The following PDCD7 variants were observed in gnomAD, a reference collection of about 807,000 sequenced individuals.
The protein encoded by PDCD7 is programmed cell death 7, also known as programmed cell death protein 7.
In PDCD7, 40 loss-of-function variants were observed where a neutral mutation model predicts 42.1. The observed-to-expected ratio is 0.95, with a 90% CI of 0.74 to 1.24. The LOEUF is 1.24. Ranked by LOEUF, PDCD7 falls within the 50% of genes most tolerant of loss-of-function variation. PDCD7 has a pLI of 0.00. For synonymous variants in PDCD7, 299 were observed against 303.3 expected (o/e 0.99, Z 0.15); for missense variants, 644 against 662.8 (o/e 0.97, Z 0.31).
intron 2 of PDCD7, among the ~76,000 whole-genome samples, chr15:65,123,880 T>C (rs1401737394): frequency 1.3e-5 from 2 of 152,240 alleles, no homozygotes; most frequent in African/African-American, 4.8e-5. Context: ...CTCTGTTTTA[T>C]AATAATCTAA....
At chr15:65,129,239 G>T in intron 1 of PDCD7, 69 bp from the exon 2 acceptor site, 1 of 1,531,704 alleles carries the variant, frequency 6.5e-7, no homozygotes, top group Non-Finnish European at 8.9e-7. Flanking sequence ...TAGCTGCCCA[G>T]TGGTTAGATT....
At position 65,118,752 on chromosome 15, in the gene PDCD7, T is replaced by C. The variant is rs373191821; in HGVS notation, c.1423A>G (p.Asn475Asp). The change falls in exon 5 of 5, where the codon AAC (asparagine) becomes GAC (aspartate). Residue 475 changes from asparagine (N) to aspartate (D), a missense_variant. Physicochemically the swap from Asn to Asp is conservative, Grantham distance 23. Coordinates refer to ENST00000204549, the MANE Select transcript of PDCD7 (RefSeq NM_005707.2). ...TTAACAGCAGTTGCCCAGATGTCGT[T>C]GCTGGGGAGCGGGGGAAGGACCCAT... is the stretch of plus-strand genomic sequence containing the variant. Reference protein sequence around the residue: ...QGWVLPPLPSNDIWATAVKLH With the variant: ...QGWVLPPLPSDDIWATAVKLH The C allele has an allele frequency of 6.2e-7, 1 of 1,609,698 alleles. No homozygotes were observed. The highest frequency in any genetic ancestry group is 2.2e-5 in the East Asian group (1 of 44,542).
At position 65,133,375 on chromosome 15, in the gene PDCD7, G is replaced by T; in HGVS notation, c.407C>A (p.Ala136Glu). 8.3e-7 allele frequency: 1 copy of T among 1,210,606 alleles called. No individual in the cohort carries two copies. Among genetic ancestry groups the T allele is most frequent in the Non-Finnish European group, 1.0e-6 (1 of 975,016 alleles). 75.0% of individuals were successfully genotyped at this position (1,210,606 alleles called of 1,614,324 possible). The part of the protein sequence containing the change: ...PPPPADVLGD[A>E]ALQRLRDRQW... ...CCGGTCGCGCAGGCGTTGGAGGGCCGCATCCCCGAGCACGTCGGCCGGCGG... is the reference window on the plus strand; with the variant it reads ...CCGGTCGCGCAGGCGTTGGAGGGCCTCATCCCCGAGCACGTCGGCCGGCGG... Residue 136 changes from alanine to glutamate, a missense_variant, in exon 1 of 5, where the codon GCG becomes GAG. Coordinates refer to ENST00000204549, the MANE Select transcript of PDCD7 (RefSeq NM_005707.2).
Position 65,118,548 on chromosome 15 carries a change from AG to A in PDCD7, c.*168del, listed in dbSNP as rs2087424881. The A allele has an allele frequency of 3.0e-5, 17 of 562,630 alleles. No homozygotes were observed. The South Asian group carries it at 7.6e-4, about 25-fold the overall frequency. The allele number at this position is 562,630 out of a possible 1,614,324, so 34.9% of individuals were successfully genotyped here. ...AAAAACCACATTAATCTGATTCAAGAGGCACCTCTGGCCAGCACAGAGCACA... is the reference window on the plus strand; with the variant it reads ...AAAAACCACATTAATCTGATTCAAGAGCACCTCTGGCCAGCACAGAGCACA... On this transcript the variant is annotated 3_prime_UTR_variant, in exon 5 of 5. Coordinates refer to ENST00000204549, the MANE Select transcript of PDCD7 (RefSeq NM_005707.2).
At position 65,120,472 on chromosome 15, in the gene PDCD7, T is replaced by G. The variant is rs2087444635; in HGVS notation, c.1010-518A>C. On this transcript the variant is annotated intron_variant, in intron 2 of 4. Transcript: ENST00000204549. ...TGGCCCTACCTACTAATTTGTAAAT[T>G]TTTTGTATGAGGTCTCACGAGGTCA... Among the ~76,000 whole-genome samples the G allele has an allele frequency of 2.6e-5, 4 of 152,104 alleles. No individual in the cohort carries two copies. The South Asian group carries it at 6.2e-4, about 24-fold the overall frequency.
rs2087423199 is a variant in PDCD7, at chr15:65,118,279, G to A, written c.*438C>T. The A allele has an allele frequency of 1.3e-5, 2 of 153,418 alleles. No homozygotes were observed. Among genetic ancestry groups the A allele is most frequent in the Admixed American group, 1.3e-4 (2 of 15,296 alleles). 9.5% of individuals were successfully genotyped at this position (153,418 alleles called of 1,614,324 possible). Reference sequence around the variant, plus strand: ...AGAAGTCAAAGGGCTCTTCAGGTAGGAAAGGTCAGGAGGTTTTGCATCAAG... The same window carrying A: ...AGAAGTCAAAGGGCTCTTCAGGTAGAAAAGGTCAGGAGGTTTTGCATCAAG... On this transcript the variant is annotated 3_prime_UTR_variant, in exon 5 of 5. Transcript: ENST00000204549.
intron 2 of PDCD7, among the ~76,000 whole-genome samples, chr15:65,121,670 AT>A (rs963096904): frequency 2.6e-5 from 4 of 152,202 alleles, no homozygotes; most frequent in African/African-American, 9.7e-5. Flanking sequence ...TATTATCCTG[AT>A]TTAACTATGA....
In PDCD7 at chr15:65,129,879, C is replaced by G. The variant is rs1009232344; in HGVS notation, c.871-709G>C. On this transcript the variant is annotated intron_variant, in intron 1 of 4. Coordinates refer to ENST00000204549, the MANE Select transcript of PDCD7 (RefSeq NM_005707.2). ...AAACCTACAGGCTATGACAAACCCG[C>G]TGCACTCCAGCCTGGGCAACAGAGT... 4.6e-5 allele frequency among the ~76,000 whole-genome samples: 7 copies of G among 150,970 alleles called. 1 individual carries two copies. The highest frequency in any genetic ancestry group is 3.3e-4 in the Admixed American group (5 of 15,132).
At chr15:65,122,779 G>A (rs1187377543) in intron 2 of PDCD7, among the ~76,000 whole-genome samples, 2 of 152,114 alleles carry the variant, frequency 1.3e-5, no homozygotes, top group African/African-American at 4.8e-5. Flanking sequence ...TGAGACGGGT[G>A]GATCACGAGG....
At chr15:65,132,886 C>T (rs2087552749) in intron 1 of PDCD7, 26 bp downstream of exon 1, 1 of 1,600,282 alleles carries the variant, frequency 6.2e-7, no homozygotes, top group South Asian at 1.1e-5. Context: ...ACCACTCCTA[C>T]CCCCATGAGC....
At chr15:65,129,003 C>T in intron 2 of PDCD7, 29 bp downstream of exon 2, 1 of 1,613,074 alleles carries the variant, frequency 6.2e-7, no homozygotes, top group Non-Finnish European at 8.5e-7. Context: ...GGGAAGGGAA[C>T]AAGGAAAGAA....
intron 2 of PDCD7, among the ~76,000 whole-genome samples, chr15:65,120,952 T>C (rs2140578668): frequency 6.6e-6 from 1 of 152,242 alleles, no homozygotes; most frequent in South Asian, 2.1e-4. Flanking sequence ...CTTTTAAGGC[T>C]CAATTTGATG....
chr15:65,124,442 G>A (rs1381342879), intron 2 of PDCD7, among the ~76,000 whole-genome samples: 1 of 150,858 alleles, frequency 6.6e-6, no homozygotes, highest in Non-Finnish European at 1.5e-5. Flanking sequence ...AAAAAAGAAA[G>A]AAAGAAAGAA....
In PDCD7 at chr15:65,119,482, A is replaced by C; in HGVS notation, c.1247-19T>G. 6.5e-7 allele frequency: 1 copy of C among 1,543,586 alleles called. No homozygotes were observed. The highest frequency in any genetic ancestry group is 9.0e-7 in the Non-Finnish European group (1 of 1,115,774). ...AACTCATCTGAAAGAGAAAAGCACA[A>C]TACCACGTTATCATGCTTGATATCC... On this transcript the variant is annotated intron_variant, in intron 3 of 4. Coordinates refer to ENST00000204549, the MANE Select transcript of PDCD7 (RefSeq NM_005707.2).
At position 65,133,428 on chromosome 15, in the gene PDCD7, C is replaced by A; in HGVS notation, c.354G>T (p.Trp118Cys). ...RPPPPGPGPP[W>C]SPRWPEAPPP... is the part of the protein sequence containing the mutation. Reference sequence around the variant, plus strand: ...GCGGCGCCTCAGGCCACCGCGGGCTCCAGGGCGGCCCCGGGCCGGGAGGCG... The same window carrying A: ...GCGGCGCCTCAGGCCACCGCGGGCTACAGGGCGGCCCCGGGCCGGGAGGCG... The change falls in exon 1 of 5, where the codon TGG (tryptophan) becomes TGT (cysteine). Residue 118 changes from tryptophan to cysteine, a missense_variant. Transcript: ENST00000204549. 1 of 1,184,176 alleles carries A rather than the reference C, an allele frequency of 8.4e-7. No individual in the cohort carries two copies. The highest frequency in any genetic ancestry group is 1.0e-6 in the Non-Finnish European group (1 of 957,496). 73.4% of individuals were successfully genotyped at this position (1,184,176 alleles called of 1,614,324 possible).
chr15:65,130,828 G>A (rs2087534200), intron 1 of PDCD7, among the ~76,000 whole-genome samples: 1 of 151,686 alleles, frequency 6.6e-6, no homozygotes, highest in African/African-American at 2.4e-5. Context: ...GGGCAACAGT[G>A]CGAGACTCTG....
At chr15:65,128,220 CTAAA>C (rs2087511625) in intron 2 of PDCD7, among the ~76,000 whole-genome samples, 1 of 152,206 alleles carries the variant, frequency 6.6e-6, no homozygotes, top group South Asian at 2.1e-4. Flanking sequence ...CTACAATCTA[CTAAA>C]TAAATCAGCA....
intron 2 of PDCD7, among the ~76,000 whole-genome samples, chr15:65,126,783 C>G (rs1443202433): frequency 6.7e-6 from 1 of 150,248 alleles, no homozygotes; most frequent in Non-Finnish European, 1.5e-5. Flanking sequence ...AAAAAAAAAG[C>G]TATCTTCACT....
intron 2 of PDCD7, among the ~76,000 whole-genome samples, chr15:65,125,874 G>C (rs2087491680): frequency 6.6e-6 from 1 of 152,154 alleles, no homozygotes; most frequent in South Asian, 2.1e-4. Context: ...CTACATGGCT[G>C]GGGAGGCTTC....
Sources: gnomAD v4.1 joint callset for allele counts (sites outside exome capture counted in the v4.1 genomes callset) on GRCh38, gnomAD v4.1.1 for gene constraint, MANE v1.5 for transcripts, NCBI Gene and HGNC (gene_info 2026-07-23, HGNC 2026-07-21) for gene names.